The following TMPRSS4 variants were observed in gnomAD, a reference collection of about 807,000 sequenced individuals.
The protein encoded by TMPRSS4 is transmembrane protease serine 4.
TMPRSS4 carries 45 observed loss-of-function variants against 56.4 expected under a neutral mutation model. The ratio of observed to expected loss-of-function variants is 0.80; its 90% CI spans 0.63 to 1.02. The LOEUF (loss-of-function observed/expected upper bound fraction) is 1.02. Ranked by LOEUF, TMPRSS4 falls within the 50% of genes least tolerant of loss-of-function variation. TMPRSS4 has a pLI of 0.00. For synonymous variants in TMPRSS4, 205 were observed against 211.0 expected (o/e 0.97, Z 0.25); for missense variants, 546 against 556.7 (o/e 0.98, Z 0.19).
At position 118,077,249 on chromosome 11, in the gene TMPRSS4, G is replaced by A. The variant is rs1416795642; in HGVS notation, c.-54G>A. The A allele has an allele frequency of 6.3e-7, 1 of 1,585,196 alleles. No individual in the cohort carries two copies. Among genetic ancestry groups the A allele is most frequent in the African/African-American group, 1.3e-5 (1 of 74,366 alleles). ...TGGGGAGGCCCTCCTGCTGCCTTGG[G>A]GTGACAATCTCAGCTCCAGGCTACA... On this transcript the variant is annotated 5_prime_UTR_variant, in exon 1 of 13. Coordinates refer to ENST00000437212, the MANE Select transcript of TMPRSS4 (RefSeq NM_019894.4).
At chr11:118,102,887 C>A in intron 3 of TMPRSS4, 1 of 590,196 alleles carries the variant, frequency 1.7e-6, no homozygotes, top group Middle Eastern at 4.4e-4. Context: ...CCGCAGACAT[C>A]TTGTGGGGGT....
rs915240862 is a variant in TMPRSS4, at chr11:118,121,224, A to G, written c.*3311A>G. 20 of 152,280 alleles carry G rather than the reference A, an allele frequency of 1.3e-4. No individual in the cohort carries two copies. Among genetic ancestry groups the G allele is most frequent in the African/African-American group, 4.8e-4 (20 of 41,476 alleles). The allele number at this position is 152,280 out of a possible 1,614,324, so 9.4% of individuals were successfully genotyped here. On this transcript the variant is annotated 3_prime_UTR_variant, in exon 13 of 13. Coordinates refer to ENST00000437212, the MANE Select transcript of TMPRSS4 (RefSeq NM_019894.4). ...CAACAAACCTTCTCTAAAAGAATAT[A>G]TAAAGCATTTACTTTAGGAAGAAGG...
intron 8 of TMPRSS4, among the ~76,000 whole-genome samples, chr11:118,112,149 C>T (rs1947309229): frequency 2.0e-5 from 3 of 152,136 alleles, no homozygotes; most frequent in Admixed American, 6.5e-5. Flanking sequence ...CCAGAGTCCT[C>T]ACCCCACCCC....
Position 118,119,251 on chromosome 11 carries a change from G to A in TMPRSS4, c.*1338G>A. On this transcript the variant is annotated 3_prime_UTR_variant, in exon 13 of 13. Transcript: ENST00000437212. ...TTGGGTCGAGACCTATATGAAGGCT[G>A]GCAGTGGAGCTAAACCTGGACACAC... 3 of 985,412 alleles carry A rather than the reference G, an allele frequency of 3.0e-6. No homozygotes were observed. The highest frequency in any genetic ancestry group is 3.6e-6 in the Non-Finnish European group (3 of 829,928). The allele number at this position is 985,412 out of a possible 1,614,324, so 61.0% of individuals were successfully genotyped here.
rs1491220064 is a variant in TMPRSS4 at position 118,097,018 on chromosome 11, AAG to A, written c.44-1965_44-1964del. Reference sequence around the variant, plus strand: ...AAAGAAAGAAAGAAAGAAAGAAAGAAAGAAAGAAAGAAAGAAAAGGAAAGAAA... The same window carrying A: ...AAAGAAAGAAAGAAAGAAAGAAAGAAAAAGAAAGAAAGAAAAGGAAAGAAA... On this transcript the variant is annotated intron_variant, in intron 2 of 12. Transcript: ENST00000437212. Among the ~76,000 whole-genome samples the A allele has an allele frequency of 2.2e-3, 188 of 86,104 alleles. 5 individuals are homozygous for A. The highest frequency in any genetic ancestry group is 6.1e-3 in the African/African-American group (122 of 19,902). 56.5% of individuals were successfully genotyped at this position (86,104 alleles called of 152,430 possible).
At chr11:118,078,036 A>AGG in intron 1 of TMPRSS4, among the ~76,000 whole-genome samples, 1 of 94,414 alleles carries the variant, frequency 1.1e-5, no homozygotes, top group Non-Finnish European at 2.2e-5. Flanking sequence ...AAAAAAAAAA[A>AGG]AAAAAAAAGA....
downstream of TMPRSS4, among the ~76,000 whole-genome samples, chr11:118,124,928 T>A (rs927523662): frequency 4.6e-5 from 7 of 152,226 alleles, no homozygotes; most frequent in Non-Finnish European, 1.0e-4. Flanking sequence ...TAGGCTTTAG[T>A]CACTTGCCCG....
chr11:118,108,393 A>T (rs1269810886), intron 6 of TMPRSS4: 1 of 168,510 alleles, frequency 5.9e-6, no homozygotes, highest in Non-Finnish European at 1.3e-5. Context: ...AGTGGCTCAG[A>T]GAGGAGGCTG....
intron 1 of TMPRSS4, among the ~76,000 whole-genome samples, chr11:118,093,133 G>A (rs1946070741): frequency 6.6e-6 from 1 of 152,202 alleles, no homozygotes; most frequent in Non-Finnish European, 1.5e-5. Flanking sequence ...GCAAGGCCAG[G>A]CATGTCCCTC....
At chr11:118,103,871 C>T (rs1050420639) in intron 4 of TMPRSS4, among the ~76,000 whole-genome samples, 1 of 152,198 alleles carries the variant, frequency 6.6e-6, no homozygotes, top group African/African-American at 2.4e-5. Context: ...GACCTTGGGG[C>T]ATTCCTCCTT....
intron 11 of TMPRSS4, among the ~76,000 whole-genome samples, chr11:118,116,289 A>G (rs923355986): frequency 6.6e-6 from 1 of 151,156 alleles, no homozygotes; most frequent in Non-Finnish European, 1.5e-5. Flanking sequence ...CCCTACTCTC[A>G]CCTCCATTTC....
chr11:118,103,225 G>A lies in TMPRSS4; in HGVS notation c.282G>A (p.Lys94=), dbSNP rs1946809295. ...GGGAGGACGAGGAGCACTGTGTCAA[G>A]AGCTTCCCCGAAGGGCCTGCAGTGG... ...PLGEDEEHCV[K]SFPEGPAVAV... Residue 94 remains lysine, a synonymous_variant, in exon 4 of 13, where the codon AAG becomes AAA. Transcript: ENST00000437212. 7 of 1,614,084 alleles carry A rather than the reference G, an allele frequency of 4.3e-6. No individual in the cohort carries two copies. The highest frequency in any genetic ancestry group is 5.9e-6 in the Non-Finnish European group (7 of 1,180,018).
Position 118,094,831 on chromosome 11 carries a change from A to G in TMPRSS4, c.19A>G (p.Ser7Gly). MLQDPD[S>G]DQPLNSLDVK... ...TTTCCTTCAATTACAGGATCCTGAC[A>G]GTGATCAACCTCTGAACAGCCTCGG... Residue 7 changes from serine (S) to glycine (G), a missense_variant, in exon 2 of 13, where the codon AGT becomes GGT. Coordinates refer to ENST00000437212, the MANE Select transcript of TMPRSS4 (RefSeq NM_019894.4). The G allele has an allele frequency of 1.2e-6, 2 of 1,612,338 alleles. No homozygotes were observed. Among genetic ancestry groups the G allele is most frequent in the Non-Finnish European group, 8.5e-7 (1 of 1,179,356 alleles).
chr11:118,124,932 T>C (rs1305871427), downstream of TMPRSS4, among the ~76,000 whole-genome samples: 1 of 152,240 alleles, frequency 6.6e-6, no homozygotes, highest in Non-Finnish European at 1.5e-5. Flanking sequence ...CTTTAGTCAC[T>C]TGCCCGCTTA....
rs1435534832 is a variant in TMPRSS4, at chr11:118,103,025, G to A, written c.158-76G>A. On this transcript the variant is annotated intron_variant, in intron 3 of 12. Coordinates refer to ENST00000437212, the MANE Select transcript of TMPRSS4 (RefSeq NM_019894.4). ...GCGTGTCTGAGAGCCCAGCACTATC[G>A]CCAGGAAAACCCAGCGTCTCCCTGC... The A allele has an allele frequency of 8.3e-6, 13 of 1,565,880 alleles. No homozygotes were observed. In the East Asian group the frequency reaches 1.1e-4, roughly 14 times the overall value.
In TMPRSS4 at chr11:118,095,727, G is replaced by A. The variant is rs575229032; in HGVS notation, c.43+872G>A. 2.0e-5 allele frequency among the ~76,000 whole-genome samples: 3 copies of A among 152,316 alleles called. No homozygotes were observed. In the South Asian group the frequency reaches 6.2e-4, roughly 32 times the overall value. On this transcript the variant is annotated intron_variant, in intron 2 of 12. Coordinates refer to ENST00000437212, the MANE Select transcript of TMPRSS4 (RefSeq NM_019894.4). ...ACTGGGGTTGGTGAAGACTAGCAGT[G>A]GAAGTCCATTTGGCTCAGAGAAAGA...
At chr11:118,081,371 G>A (rs1334780767) in intron 1 of TMPRSS4, among the ~76,000 whole-genome samples, 1 of 152,150 alleles carries the variant, frequency 6.6e-6, no homozygotes, top group African/African-American at 2.4e-5. Flanking sequence ...ATCCCCCTGT[G>A]ACACGTCTAA....
rs141628868 is a variant in TMPRSS4 at position 118,090,742 on chromosome 11, C to T, written c.4-4074C>T. On this transcript the variant is annotated intron_variant, in intron 1 of 12. Transcript: ENST00000437212. The stretch of plus-strand genomic sequence containing the variant: ...GCAGTGAGCTGAAATCACAACATTG[C>T]ACTTCAGCCTGGGCGACAGAATGAG... Among the ~76,000 whole-genome samples, 237 of 152,062 alleles carry T rather than the reference C, an allele frequency of 1.6e-3. 1 individual carries two copies. Among genetic ancestry groups the T allele is most frequent in the African/African-American group, 5.5e-3 (228 of 41,478 alleles).
At chr11:118,122,720 T>C (rs932274767), downstream of TMPRSS4, among the ~76,000 whole-genome samples, 3 of 152,202 alleles carry the variant, frequency 2.0e-5, no homozygotes, top group Admixed American at 2.0e-4. Flanking sequence ...GAAGCCATCA[T>C]TGGCAATTTC....
Sources: gnomAD v4.1 joint callset for allele counts (sites outside exome capture counted in the v4.1 genomes callset) on GRCh38, gnomAD v4.1.1 for gene constraint, MANE v1.5 for transcripts, NCBI Gene and HGNC (gene_info 2026-07-23, HGNC 2026-07-21) for gene names.